The following SNTB2 variants were observed in gnomAD, a reference collection of about 807,000 sequenced individuals.
SNTB2 encodes syntrophin beta 2.
A neutral mutation model predicts 46.2 loss-of-function variants in SNTB2; 34 were observed. That is an observed-to-expected ratio of 0.74 (90% CI 0.56 to 0.98). SNTB2 has a LOEUF of 0.98. SNTB2 is among the 50% of genes least tolerant of loss of function. The probability of loss-of-function intolerance (pLI) is 0.00; values close to 1 mark genes in which losing one functional copy is unlikely to be tolerated. For missense variants in SNTB2, 603 were observed against 731.4 expected, an observed-to-expected ratio of 0.82 and a Z score of 2.02; for synonymous variants, 290 against 312.6, an observed-to-expected ratio of 0.93 and a Z score of 0.76.
intron 1 of SNTB2, among the ~76,000 whole-genome samples, chr16:69,236,257 C>T (rs1320473007): frequency 6.6e-6 from 1 of 152,104 alleles, no homozygotes; most frequent in Non-Finnish European, 1.5e-5. Flanking sequence ...TAGGCAGTAG[C>T]AAACCATAGA....
At chr16:69,203,817 G>A (rs1156434359) in intron 1 of SNTB2, among the ~76,000 whole-genome samples, 3 of 151,596 alleles carry the variant, frequency 2.0e-5, no homozygotes, top group African/African-American at 7.3e-5. Context: ...GCCCAGGCTG[G>A]AGTGCAATGG....
chr16:69,270,111 G>T, intron 3 of SNTB2, 32 bp from the exon 4 acceptor site: 1 of 1,613,736 alleles, frequency 6.2e-7, no homozygotes, highest in South Asian at 1.1e-5. Context: ...ATTATAGTTA[G>T]CCCTGATTTC....
chr16:69,257,951 TA>T (rs1964795039), intron 2 of SNTB2, among the ~76,000 whole-genome samples: 1 of 152,230 alleles, frequency 6.6e-6, no homozygotes, highest in Admixed American at 6.5e-5. Context: ...AATGTTTATT[TA>T]AGAAAGGATA....
At chr16:69,268,051 G>A (rs1383076683) in intron 3 of SNTB2, among the ~76,000 whole-genome samples, 2 of 152,160 alleles carry the variant, frequency 1.3e-5, no homozygotes, top group Admixed American at 6.5e-5. Context: ...TTTGGCCTTG[G>A]ATCCTTGACA....
At chr16:69,293,294 C>T (rs1342516283) in intron 5 of SNTB2, among the ~76,000 whole-genome samples, 2 of 152,078 alleles carry the variant, frequency 1.3e-5, no homozygotes, top group East Asian at 3.9e-4. Context: ...ATCCATAAGT[C>T]GGGAGTACCC....
intron 1 of SNTB2, among the ~76,000 whole-genome samples, chr16:69,190,332 A>G (rs184681482): frequency 1.3e-5 from 2 of 152,310 alleles, no homozygotes; most frequent in Non-Finnish European, 2.9e-5. Flanking sequence ...GGAAAGCTAT[A>G]GTCTTTGGTT....
intron 1 of SNTB2, 27 bp downstream of exon 1, chr16:69,187,773 G>GGGGGGGGGGGGGGGGGGC: frequency 5.1e-5 from 17 of 331,848 alleles, no homozygotes; most frequent in Non-Finnish European, 7.8e-5. Flanking sequence ...GGGAGGGTGG[G>GGGGGGGGGGGGGGGGGGC]CAGGCCGCGG....
intron 1 of SNTB2, among the ~76,000 whole-genome samples, chr16:69,220,958 G>C (rs563270196): frequency 1.3e-4 from 20 of 152,226 alleles, no homozygotes; most frequent in African/African-American, 4.1e-4. Context: ...TCTCCAACAA[G>C]AGCCAGTCTC....
chr16:69,264,000 T>C (rs917717201), intron 3 of SNTB2, among the ~76,000 whole-genome samples: 8 of 151,858 alleles, frequency 5.3e-5, no homozygotes, highest in Non-Finnish European at 1.2e-4. Flanking sequence ...GGTCTCACTT[T>C]GTTACCTAGG....
intron 1 of SNTB2, among the ~76,000 whole-genome samples, chr16:69,200,048 A>G (rs978362783): frequency 6.6e-6 from 1 of 151,988 alleles, no homozygotes; most frequent in Non-Finnish European, 1.5e-5. Flanking sequence ...TTGAGTAGCT[A>G]GGACTACAGA....
intron 4 of SNTB2, among the ~76,000 whole-genome samples, chr16:69,281,022 C>T (rs1042017563): frequency 3.3e-5 from 5 of 152,110 alleles, no homozygotes; most frequent in Admixed American, 6.5e-5. Flanking sequence ...TGGTCTCGAT[C>T]TCCTGACCGT....
intron 1 of SNTB2, among the ~76,000 whole-genome samples, chr16:69,194,052 C>T (rs574096312): frequency 1.3e-5 from 2 of 152,262 alleles, no homozygotes; most frequent in Non-Finnish European, 2.9e-5. Flanking sequence ...AACTGATTGC[C>T]TCAGTATTAT....
In SNTB2 at chr16:69,303,997, C is replaced by G. The variant is rs1274853000; in HGVS notation, c.*3073C>G. The G allele has an allele frequency of 6.6e-6, 1 of 152,160 alleles. No individual in the cohort carries two copies. The highest frequency in any genetic ancestry group is 1.5e-5 in the Non-Finnish European group (1 of 68,040). The allele number at this position is 152,160 out of a possible 1,614,324, so 9.4% of individuals were successfully genotyped here. On this transcript the variant is annotated 3_prime_UTR_variant, in exon 7 of 7. Transcript: ENST00000336278. ...TCAGAGGGACTGCTTCCTGTGCCCC[C>G]CAGACCCGGGGCTTCGACAGCTTCT...
intron 2 of SNTB2, among the ~76,000 whole-genome samples, chr16:69,257,882 C>T (rs1159456161): frequency 6.6e-6 from 1 of 152,212 alleles, no homozygotes; most frequent in African/African-American, 2.4e-5. Context: ...CTTTTTTCAT[C>T]ACTGTATCTC....
chr16:69,272,972 C>G (rs1964953000), intron 4 of SNTB2, among the ~76,000 whole-genome samples: 1 of 150,012 alleles, frequency 6.7e-6, no homozygotes, highest in Non-Finnish European at 1.5e-5. Context: ...CCAATAGGAA[C>G]ATGAGAAGAT....
In SNTB2 at chr16:69,304,617, C is replaced by G. The variant is rs1276513709; in HGVS notation, c.*3693C>G. ...AAGTTGAATGGTAACAAAGCTTTTC[C>G]AGCTGAATGAATGCACTTAGCTGAT... On this transcript the variant is annotated 3_prime_UTR_variant, in exon 7 of 7. Coordinates refer to ENST00000336278, the MANE Select transcript of SNTB2 (RefSeq NM_006750.4). The G allele has an allele frequency of 1.3e-5, 2 of 152,068 alleles. No individual in the cohort carries two copies. Among genetic ancestry groups the G allele is most frequent in the Non-Finnish European group, 2.9e-5 (2 of 68,016 alleles). 9.4% of individuals were successfully genotyped at this position (152,068 alleles called of 1,614,324 possible). A position where few individuals can be genotyped will look rare whatever the true frequency, so the allele number is the denominator to read the frequency against.
intron 1 of SNTB2, among the ~76,000 whole-genome samples, chr16:69,207,098 G>T (rs1471740067): frequency 1.3e-5 from 2 of 150,916 alleles, no homozygotes; most frequent in Non-Finnish European, 3.0e-5. Context: ...AAATATGAAA[G>T]GAATTCTTAG....
At chr16:69,208,134 C>T (rs1173492268) in intron 1 of SNTB2, among the ~76,000 whole-genome samples, 13 of 124,702 alleles carry the variant, frequency 1.0e-4, no homozygotes, top group Admixed American at 1.6e-4. Context: ...AAGCCGGGCA[C>T]GGTGGCTCAT....
At chr16:69,265,327 G>T (rs888402475) in intron 3 of SNTB2, among the ~76,000 whole-genome samples, 2 of 152,290 alleles carry the variant, frequency 1.3e-5, no homozygotes, top group South Asian at 4.1e-4. Context: ...CTCTCAAAGT[G>T]CATAAAGACT....
Sources: gnomAD v4.1 joint callset for allele counts (sites outside exome capture counted in the v4.1 genomes callset) on GRCh38, gnomAD v4.1.1 for gene constraint, MANE v1.5 for transcripts, NCBI Gene and HGNC (gene_info 2026-07-23, HGNC 2026-07-21) for gene names.